FAM118B: variants seen among roughly 807,000 people sequenced by gnomAD.
FAM118B encodes the protein protein FAM118B.
A neutral mutation model predicts 38.5 loss-of-function variants in FAM118B; 24 were observed. The ratio of observed to expected loss-of-function variants is 0.62; its 90% confidence interval spans 0.45 to 0.88. FAM118B has a LOEUF of 0.88. FAM118B is among the 40% of genes least tolerant of loss of function. The pLI, the probability that FAM118B is intolerant of heterozygous loss-of-function variation, is 0.00. For synonymous variants in FAM118B, 138 were observed against 156.3 expected, an observed-to-expected ratio of 0.88 and a Z score of 0.87; for missense variants, 334 against 420.0, an observed-to-expected ratio of 0.80 and a Z score of 1.79.
At chr11:126,230,066 AC>A (rs1213646033) in intron 2 of FAM118B, among the ~76,000 whole-genome samples, 1 of 152,196 alleles carries the variant, frequency 6.6e-6, no homozygotes, top group Non-Finnish European at 1.5e-5. Flanking sequence ...AATCGAGTTC[AC>A]CATAGATGAA....
At chr11:126,226,809 C>T (rs960985204) in intron 1 of FAM118B, among the ~76,000 whole-genome samples, 11 of 151,826 alleles carry the variant, frequency 7.2e-5, no homozygotes, top group Admixed American at 4.6e-4. Context: ...GGTGAAACCC[C>T]GTGTCTACAA....
At chr11:126,216,848 A>G (rs1949985447) in intron 1 of FAM118B, among the ~76,000 whole-genome samples, 1 of 152,250 alleles carries the variant, frequency 6.6e-6, no homozygotes, top group Non-Finnish European at 1.5e-5. Flanking sequence ...GATGATTACC[A>G]TAGACTTTGC....
At chr11:126,262,066 G>A (rs1950712266) in intron 8 of FAM118B, 54 bp from the exon 9 acceptor site, 7 of 1,600,244 alleles carry the variant, frequency 4.4e-6, no homozygotes, top group Middle Eastern at 3.3e-4. Context: ...AGCTTCCAAT[G>A]TATAAACCTG....
intron 2 of FAM118B, among the ~76,000 whole-genome samples, chr11:126,230,251 G>A (rs1373935360): frequency 6.6e-6 from 1 of 152,264 alleles, no homozygotes; most frequent in Non-Finnish European, 1.5e-5. Context: ...AAAGTCTTTA[G>A]GATTTTATTT....
In FAM118B at chr11:126,211,795, G is replaced by T. The variant is rs1292708727; in HGVS notation, c.-112G>T. On this transcript the variant is annotated 5_prime_UTR_variant, in exon 1 of 9. Coordinates refer to ENST00000533050, the MANE Select transcript of FAM118B (RefSeq NM_024556.4). ...CTCAGTGCGGCTGCGCCGGCCGGTA[G>T]CTGCAGCTGGAGCAGTGGCGTTTGG... The T allele has an allele frequency of 4.0e-6, 3 of 757,738 alleles. No homozygotes were observed. Among genetic ancestry groups the T allele is most frequent in the Non-Finnish European group, 6.3e-6 (3 of 475,730 alleles). The allele number at this position is 757,738 out of a possible 1,614,324, so 46.9% of individuals were successfully genotyped here.
At chr11:126,227,101 C>G (rs113132625) in intron 1 of FAM118B, among the ~76,000 whole-genome samples, 4,301 of 119,608 alleles carry the variant, frequency 0.036, 230 homozygotes, top group African/African-American at 0.12. Flanking sequence ...CTGGTTCTGT[C>G]ACCCAGGCTG....
In FAM118B at chr11:126,238,346, G is replaced by A. The variant is rs370139148; in HGVS notation, c.87-2446G>A. 1.2e-4 allele frequency among the ~76,000 whole-genome samples: 18 copies of A among 152,090 alleles called. 1 individual carries two copies. The highest frequency in any genetic ancestry group is 3.9e-4 in the African/African-American group (16 of 41,412). On this transcript the variant is annotated intron_variant, in intron 3 of 8. Transcript: ENST00000533050. ...GATTCCATCTCAAAAAAAAAAGCCAGTTGGAGAATCTGTGTGTACATAAGG... is the reference window on the plus strand; with the variant it reads ...GATTCCATCTCAAAAAAAAAAGCCAATTGGAGAATCTGTGTGTACATAAGG...
In FAM118B at chr11:126,253,895, T is replaced by C. The variant is rs561807846; in HGVS notation, c.568-410T>C. Among the ~76,000 whole-genome samples the C allele has an allele frequency of 1.3e-5, 2 of 152,292 alleles. No individual in the cohort carries two copies. Among genetic ancestry groups the C allele is most frequent in the South Asian group, 2.1e-4 (1 of 4,824 alleles). Reference sequence around the variant, plus strand: ...CTTGTGTGTGTTTGCTAGTATCCCATTGGCTAAAAGCAAGCCATGTGGTTA... The same window carrying C: ...CTTGTGTGTGTTTGCTAGTATCCCACTGGCTAAAAGCAAGCCATGTGGTTA... On this transcript the variant is annotated intron_variant, in intron 5 of 8. Coordinates refer to ENST00000533050, the MANE Select transcript of FAM118B (RefSeq NM_024556.4). The surrounding 1 kb of genome is among the most constrained non-coding windows in gnomAD (Gnocchi z 5.1).
chr11:126,213,918 A>G (rs1949928554), intron 1 of FAM118B, among the ~76,000 whole-genome samples: 1 of 152,222 alleles, frequency 6.6e-6, no homozygotes, highest in Non-Finnish European at 1.5e-5. Context: ...TTGTAGAGAA[A>G]TTTAAAGAAT....
At chr11:126,219,973 G>A (rs1390655972) in intron 1 of FAM118B, among the ~76,000 whole-genome samples, 1 of 151,944 alleles carries the variant, frequency 6.6e-6, no homozygotes, top group Non-Finnish European at 1.5e-5. Context: ...GAGATTTATG[G>A]TGTGAAAGCA....
chr11:126,222,623 G>C (rs1367602208), intron 1 of FAM118B, among the ~76,000 whole-genome samples: 4 of 152,236 alleles, frequency 2.6e-5, no homozygotes, highest in Non-Finnish European at 5.9e-5. Flanking sequence ...AAACAGGTGA[G>C]TGGTGGATAT....
At chr11:126,261,349 TCC>T in intron 7 of FAM118B, 74 bp from the exon 8 acceptor site, 1 of 1,200,484 alleles carries the variant, frequency 8.3e-7, no homozygotes, top group Non-Finnish European at 1.2e-6. Flanking sequence ...TGTCCTCATC[TCC>T]CTTTAGTTTT....
chr11:126,236,169 C>T (rs1258990140), intron 3 of FAM118B, among the ~76,000 whole-genome samples: 5 of 152,170 alleles, frequency 3.3e-5, no homozygotes, highest in African/African-American at 1.2e-4. Context: ...TACATCTCTC[C>T]TGTATCGATT....
At chr11:126,213,590 C>T (rs1291150380) in intron 1 of FAM118B, among the ~76,000 whole-genome samples, 1 of 152,190 alleles carries the variant, frequency 6.6e-6, no homozygotes, top group Non-Finnish European at 1.5e-5. Flanking sequence ...GTTTTGACAT[C>T]GGGACTTAAA....
chr11:126,250,909 A>G lies in FAM118B; in HGVS notation c.567+176A>G, dbSNP rs1219073258. 6.6e-6 allele frequency among the ~76,000 whole-genome samples: 1 copy of G among 152,208 alleles called. No homozygotes were observed. The highest frequency in any genetic ancestry group is 1.5e-5 in the Non-Finnish European group (1 of 68,038). On this transcript the variant is annotated intron_variant, in intron 5 of 8. Transcript: ENST00000533050. The surrounding 1 kb of genome is among the most constrained non-coding windows in gnomAD (Gnocchi z 5.1). Reference sequence around the variant, plus strand: ...CTTTTTAAAGATCAAATCAATATACAGTAAAATGCATAGAACTTAAAAGTG... The same window carrying G: ...CTTTTTAAAGATCAAATCAATATACGGTAAAATGCATAGAACTTAAAAGTG...
At chr11:126,254,648 C>T (rs922183488) in intron 6 of FAM118B, among the ~76,000 whole-genome samples, 2 of 152,190 alleles carry the variant, frequency 1.3e-5, no homozygotes, top group Non-Finnish European at 2.9e-5. Context: ...GCCTGGGCAA[C>T]ATAGCGAGAC....
chr11:126,212,896 G>A (rs1352607160), intron 1 of FAM118B, among the ~76,000 whole-genome samples: 1 of 152,154 alleles, frequency 6.6e-6, no homozygotes, highest in Non-Finnish European at 1.5e-5. Context: ...CCTTGAAAGT[G>A]GAATTCTGGA....
Position 126,254,444 on chromosome 11 carries a change from CTG to C in FAM118B, c.696+12_696+13del. 1 of 1,613,672 alleles carries C rather than the reference CTG, an allele frequency of 6.2e-7. No homozygotes were observed. Among genetic ancestry groups the C allele is most frequent in the Non-Finnish European group, 8.5e-7 (1 of 1,179,766 alleles). ...AACACTGAAGTCATGGTGAGTGGGG[CTG>C]ATCTTGCTGGTCTCAGGAACTCCTT... On this transcript the variant is annotated intron_variant, in intron 6 of 8. Transcript: ENST00000533050.
At chr11:126,247,198 A>G (rs1950429240) in intron 4 of FAM118B, among the ~76,000 whole-genome samples, 1 of 152,172 alleles carries the variant, frequency 6.6e-6, no homozygotes, top group Non-Finnish European at 1.5e-5. Context: ...AGACTGAGGC[A>G]GGAAGATTGC....
Sources: allele counts gnomAD v4.1 joint callset (sites outside exome capture counted in the v4.1 genomes callset), GRCh38; gene constraint gnomAD v4.1.1; non-coding constraint Gnocchi (gnomAD v3.1); transcripts MANE v1.5; gene names NCBI Gene and HGNC (gene_info 2026-07-23, HGNC 2026-07-21).